ABAT: variants seen among roughly 807,000 people sequenced by gnomAD.
ABAT encodes 4-aminobutyrate aminotransferase.
In ABAT, 45 loss-of-function variants were observed where a neutral mutation model predicts 64.6. The observed-to-expected ratio is 0.70, with a 90% CI of 0.55 to 0.89. ABAT has a LOEUF of 0.89. Among genes scored for constraint, ABAT ranks in the 40% least tolerant of loss-of-function variants. ABAT has a pLI of 0.00. For missense variants in ABAT, 633 were observed against 658.4 expected (o/e 0.96, Z 0.42); for synonymous variants, 297 against 250.5 (o/e 1.19, Z -1.75).
chr16:8,703,626 T>C (rs2057875431), intron 1 of ABAT, among the ~76,000 whole-genome samples: 1 of 152,110 alleles, frequency 6.6e-6, no homozygotes, highest in South Asian at 2.1e-4. Flanking sequence ...AAGGAGACAG[T>C]GTCTGAGGGC....
chr16:8,766,193 G>C lies in ABAT; in HGVS notation c.541-15G>C, dbSNP rs779730449. ...CAGAGCATCTCTGAGATTTTGTTCT[G>C]TTCTATTGTTTCAGAGCAAGGAAAG... On this transcript the variant is annotated splice_polypyrimidine_tract_variant and intron_variant, in intron 8 of 15. Coordinates refer to ENST00000268251, the MANE Select transcript of ABAT (RefSeq NM_020686.6). 7 of 1,613,624 alleles carry C rather than the reference G, an allele frequency of 4.3e-6. No homozygotes were observed. The highest frequency in any genetic ancestry group is 5.9e-6 in the Non-Finnish European group (7 of 1,179,658).
intron 1 of ABAT, 61 bp from the exon 2 acceptor site, chr16:8,735,638 T>C: frequency 7.3e-7 from 1 of 1,364,140 alleles, no homozygotes; most frequent in Admixed American, 2.0e-5. Flanking sequence ...GGGGATGGGA[T>C]CTTTGGCTGA....
intron 5 of ABAT, among the ~76,000 whole-genome samples, chr16:8,756,430 G>A (rs1214280616): frequency 1.3e-5 from 2 of 151,742 alleles, no homozygotes; most frequent in Non-Finnish European, 1.5e-5. Flanking sequence ...TTAAAAAAAA[G>A]GGATACATGT....
Position 8,735,706 on chromosome 16 carries a change from G to C in ABAT, c.-34G>C, listed in dbSNP as rs1268077523. 12 of 1,569,846 alleles carry C rather than the reference G, an allele frequency of 7.6e-6. No individual in the cohort carries two copies. Among genetic ancestry groups the C allele is most frequent in the Non-Finnish European group, 8.6e-6 (10 of 1,156,640 alleles). ...ATTTCTGGTTTCTTTCAGGGTGGCAGCACGCAAAGGGTGTCCCTGTCCCTC... is the reference window on the plus strand; with the variant it reads ...ATTTCTGGTTTCTTTCAGGGTGGCACCACGCAAAGGGTGTCCCTGTCCCTC... On this transcript the variant is annotated 5_prime_UTR_variant, in exon 2 of 16. Transcript: ENST00000268251.
At chr16:8,695,031 C>G (rs917257650) in intron 1 of ABAT, among the ~76,000 whole-genome samples, 1 of 152,230 alleles carries the variant, frequency 6.6e-6, no homozygotes, top group East Asian at 1.9e-4. Flanking sequence ...ACTGGGCCAG[C>G]AAGCCTGAGA....
At chr16:8,759,253 G>T (rs1049824970) in intron 6 of ABAT, among the ~76,000 whole-genome samples, 9 of 151,942 alleles carry the variant, frequency 5.9e-5, no homozygotes, top group African/African-American at 2.2e-4. Context: ...AGCATTTTTA[G>T]ACATTATTTT....
At chr16:8,703,275 C>T (rs1469598776) in intron 1 of ABAT, among the ~76,000 whole-genome samples, 1 of 151,618 alleles carries the variant, frequency 6.6e-6, no homozygotes, top group African/African-American at 2.4e-5. Context: ...GCCGACATGG[C>T]GAAACCCCGT....
At chr16:8,734,978 C>G (rs1035233871) in intron 1 of ABAT, among the ~76,000 whole-genome samples, 5 of 151,404 alleles carry the variant, frequency 3.3e-5, no homozygotes, top group African/African-American at 1.2e-4. Flanking sequence ...GAGGCCAAGG[C>G]AGGCAGATTA....
chr16:8,711,586 GAC>G (rs1235382763), intron 1 of ABAT, among the ~76,000 whole-genome samples: 3 of 152,220 alleles, frequency 2.0e-5, no homozygotes, highest in African/African-American at 7.2e-5. Context: ...TGATATGCAG[GAC>G]ACCCTGCTGA....
At chr16:8,707,438 C>T (rs138834079) in intron 1 of ABAT, among the ~76,000 whole-genome samples, 55 of 150,606 alleles carry the variant, frequency 3.7e-4, no homozygotes, top group African/African-American at 1.3e-3. Context: ...CCTCCCATCT[C>T]AGCCTCCCAA....
At chr16:8,759,069 T>G (rs1272381742) in intron 6 of ABAT, among the ~76,000 whole-genome samples, 1 of 152,012 alleles carries the variant, frequency 6.6e-6, no homozygotes, top group African/African-American at 2.4e-5. Context: ...GCCACTGCAC[T>G]CCAGCTTGGG....
intron 12 of ABAT, among the ~76,000 whole-genome samples, chr16:8,774,561 T>TGG (rs2060211224): frequency 6.6e-6 from 1 of 152,052 alleles, no homozygotes; most frequent in Non-Finnish European, 1.5e-5. Flanking sequence ...TGGACACAGC[T>TGG]CCCTCTGACG....
Position 8,776,980 on chromosome 16 carries a change from C to T in ABAT, c.1269+490C>T, listed in dbSNP as rs577130450. 2.0e-4 allele frequency among the ~76,000 whole-genome samples: 30 copies of T among 152,316 alleles called. 2 individuals are homozygous for T. In the South Asian group the frequency reaches 5.2e-3, roughly 26 times the overall value. The stretch of plus-strand genomic sequence containing the variant: ...GTGGCGCAATCTCAGCTCACCGCAA[C>T]CGCTGCCTCCTGGGTTCAGGAGATT... On this transcript the variant is annotated intron_variant, in intron 14 of 15. Coordinates refer to ENST00000268251, the MANE Select transcript of ABAT (RefSeq NM_020686.6). The surrounding 1 kb of genome is among the most constrained non-coding windows in gnomAD (Gnocchi z 4.4).
Position 8,755,804 on chromosome 16 carries a change from C to G in ABAT, c.317-1953C>G, listed in dbSNP as rs145514835. Among the ~76,000 whole-genome samples, 446 of 152,182 alleles carry G rather than the reference C, an allele frequency of 2.9e-3. 1 individual carries two copies. Among genetic ancestry groups the G allele is most frequent in the African/African-American group, 0.01 (432 of 41,556 alleles). The stretch of plus-strand genomic sequence containing the variant: ...GTGACTACCGCCTGTAATCCCAGCA[C>G]TTTGGGAGGCCGAGGTGGGTGGATC... On this transcript the variant is annotated intron_variant, in intron 5 of 15. Transcript: ENST00000268251.
chr16:8,745,632 G>A (rs2059306271), intron 2 of ABAT, among the ~76,000 whole-genome samples: 1 of 152,096 alleles, frequency 6.6e-6, no homozygotes, highest in African/African-American at 2.4e-5. Context: ...TTGGAGGTCA[G>A]GGGTGCAGTG....
intron 1 of ABAT, among the ~76,000 whole-genome samples, chr16:8,720,215 G>A (rs2058328514): frequency 6.6e-6 from 1 of 152,186 alleles, no homozygotes; most frequent in South Asian, 2.1e-4. Flanking sequence ...TAAGCCAGTT[G>A]AGTGCCTCCT....
At chr16:8,754,804 T>C (rs1185841945) in intron 5 of ABAT, among the ~76,000 whole-genome samples, 1 of 151,740 alleles carries the variant, frequency 6.6e-6, no homozygotes, top group Non-Finnish European at 1.5e-5. Flanking sequence ...CTACAACCTC[T>C]GCCCCCCTGG....
intron 1 of ABAT, chr16:8,712,904 TG>T (rs1288339990): frequency 1.3e-5 from 2 of 152,316 alleles, no homozygotes; most frequent in African/African-American, 4.8e-5. Context: ...GCCGTCGTCA[TG>T]GTAACTGATG....
chr16:8,710,727 A>AGAGAGAGAGGAGAGGGAGG (rs146344975), intron 1 of ABAT, among the ~76,000 whole-genome samples: 279 of 103,474 alleles, frequency 2.7e-3, no homozygotes, highest in South Asian at 5.7e-3. Context: ...AGAGAGAGAG[A>AGAGAGAGAGGAGAGGGAGG]GAGGAAATAG....
Sources: allele counts gnomAD v4.1 joint callset (sites outside exome capture counted in the v4.1 genomes callset), GRCh38; gene constraint gnomAD v4.1.1; non-coding constraint Gnocchi (gnomAD v3.1); transcripts MANE v1.5; gene names NCBI Gene and HGNC (gene_info 2026-07-23, HGNC 2026-07-21).